GRM5: variants seen among roughly 807,000 people sequenced by gnomAD.
The protein encoded by GRM5 is glutamate metabotropic receptor 5.
A neutral mutation model predicts 83.1 loss-of-function variants in GRM5; 19 were observed. That is an observed-to-expected ratio of 0.23 (90% confidence interval 0.16 to 0.34). The LOEUF (loss-of-function observed/expected upper bound fraction) is 0.34. GRM5 is among the 10% of genes least tolerant of loss of function. The pLI, the probability that GRM5 is intolerant of heterozygous loss-of-function variation, is 1.00. For synonymous variants in GRM5, 675 were observed against 633.6 expected (o/e 1.07, Z -0.98); for missense variants, 1,160 against 1,588.3 (o/e 0.73, Z 4.58).
chr11:88,587,441 T>C (rs962311596), intron 7 of GRM5, among the ~76,000 whole-genome samples: 3 of 152,140 alleles, frequency 2.0e-5, no homozygotes, highest in Admixed American at 6.6e-5. Flanking sequence ...GCAGTGGTGA[T>C]TGAAACTAGA....
chr11:88,578,325 G>A (rs1264015118), intron 7 of GRM5, among the ~76,000 whole-genome samples: 1 of 152,150 alleles, frequency 6.6e-6, no homozygotes, highest in Non-Finnish European at 1.5e-5. Flanking sequence ...TAATGCAATA[G>A]TTAGCACTGT....
At chr11:89,025,031 G>A (rs572915287) in intron 2 of GRM5, among the ~76,000 whole-genome samples, 4 of 152,190 alleles carry the variant, frequency 2.6e-5, no homozygotes, top group Non-Finnish European at 5.9e-5. Flanking sequence ...AGCAGGAGAA[G>A]CTGAAAATTA....
intron 2 of GRM5, among the ~76,000 whole-genome samples, chr11:89,013,750 A>C (rs1940773177): frequency 6.6e-6 from 1 of 152,208 alleles, no homozygotes. Context: ...TGGTTTTTAC[A>C]ACCCAAATCC....
intron 3 of GRM5, among the ~76,000 whole-genome samples, chr11:88,754,983 C>T (rs1013195146): frequency 1.4e-5 from 2 of 142,758 alleles, no homozygotes; most frequent in African/African-American, 2.4e-5. Context: ...AGGCCTTGCT[C>T]TCCTCATATG....
Position 88,712,002 on chromosome 11 carries a change from C to T in GRM5, c.912-58599G>A, listed in dbSNP as rs536321862. ...CATTTTGCATCTCAGGAACCCATTA[C>T]GCACAAGAGTTTTTTCTCAGACAGT... On this transcript the variant is annotated intron_variant, in intron 3 of 9. Transcript: ENST00000305447. Among the ~76,000 whole-genome samples the T allele has an allele frequency of 1.8e-4, 28 of 152,138 alleles. 1 individual carries two copies. Among genetic ancestry groups the T allele is most frequent in the African/African-American group, 3.9e-4 (16 of 41,540 alleles).
At chr11:88,730,726 G>A (rs1431761885) in intron 3 of GRM5, among the ~76,000 whole-genome samples, 41 of 152,144 alleles carry the variant, frequency 2.7e-4, no homozygotes, top group Non-Finnish European at 4.4e-5. Flanking sequence ...CAGAGACATG[G>A]ATGAAGCTGG....
chr11:88,595,993 A>G (rs1937792592), intron 6 of GRM5, among the ~76,000 whole-genome samples: 1 of 147,090 alleles, frequency 6.8e-6, no homozygotes, highest in Non-Finnish European at 1.5e-5. Context: ...CTGTATTCTT[A>G]GCTTTATTTT....
chr11:88,886,195 G>A (rs1381302554), intron 2 of GRM5, among the ~76,000 whole-genome samples: 2 of 151,986 alleles, frequency 1.3e-5, no homozygotes, highest in African/African-American at 2.4e-5. Context: ...TCTTCTCTTC[G>A]GCCTATTAAA....
At chr11:88,673,160 T>C (rs1591430922) in intron 3 of GRM5, among the ~76,000 whole-genome samples, 1 of 151,936 alleles carries the variant, frequency 6.6e-6, no homozygotes, top group East Asian at 1.9e-4. Flanking sequence ...ACGTTTTCCA[T>C]TTTCAAGTAC....
intron 4 of GRM5, among the ~76,000 whole-genome samples, chr11:88,645,471 A>C (rs956701708): frequency 9.9e-5 from 15 of 152,134 alleles, no homozygotes; most frequent in Admixed American, 9.8e-4. Flanking sequence ...ATGAAAGATC[A>C]CAATTCATGA....
At chr11:88,748,432 G>C (rs938985203) in intron 3 of GRM5, among the ~76,000 whole-genome samples, 12 of 152,114 alleles carry the variant, frequency 7.9e-5, no homozygotes, top group African/African-American at 2.9e-4. Flanking sequence ...AGTGGGTTGA[G>C]GTCTTCCTGA....
intron 3 of GRM5, among the ~76,000 whole-genome samples, chr11:88,793,954 T>G (rs555725165): frequency 7.2e-5 from 11 of 152,190 alleles, no homozygotes; most frequent in African/African-American, 2.4e-4. Context: ...GCCTCCTGAG[T>G]AGCTGGGACT....
chr11:88,845,423 C>CTTTTTTTTTTTTTTTTTTTTTTTTTTTT (rs71046265), intron 3 of GRM5, among the ~76,000 whole-genome samples: 2 of 92,444 alleles, frequency 2.2e-5, no homozygotes, highest in African/African-American at 9.0e-5. Flanking sequence ...ATAAACATAA[C>CTTTTTTTTTTTTTTTTTTTTTTTTTTTT]TTTTTTTTTT....
intron 3 of GRM5, among the ~76,000 whole-genome samples, chr11:88,766,867 C>A (rs1942633399): frequency 6.6e-6 from 1 of 151,972 alleles, no homozygotes; most frequent in Admixed American, 6.6e-5. Flanking sequence ...AAAAACCAAA[C>A]AACCCCATTA....
At chr11:88,625,014 A>G (rs1938753049) in intron 4 of GRM5, among the ~76,000 whole-genome samples, 1 of 152,172 alleles carries the variant, frequency 6.6e-6, no homozygotes, top group Non-Finnish European at 1.5e-5. Flanking sequence ...AGTCTTACCA[A>G]ACAATGACTG....
intron 6 of GRM5, among the ~76,000 whole-genome samples, chr11:88,596,979 C>T (rs1329948763): frequency 2.0e-5 from 3 of 152,060 alleles, no homozygotes; most frequent in Non-Finnish European, 4.4e-5. Context: ...GCAAACATGA[C>T]TCATCAACTG....
intron 3 of GRM5, among the ~76,000 whole-genome samples, chr11:88,796,646 G>A (rs761302539): frequency 1.8e-4 from 27 of 151,964 alleles, no homozygotes; most frequent in Non-Finnish European, 3.5e-4. Flanking sequence ...ATTAAGCATG[G>A]GAAGTCATAT....
intron 2 of GRM5, among the ~76,000 whole-genome samples, chr11:88,916,814 G>A (rs1171750244): frequency 7.2e-5 from 11 of 152,058 alleles, no homozygotes; most frequent in Admixed American, 2.6e-4. Context: ...CAGCTCAGCC[G>A]TAGTACAATA....
intron 2 of GRM5, among the ~76,000 whole-genome samples, chr11:89,011,925 G>A (rs1940713275): frequency 6.6e-6 from 1 of 152,134 alleles, no homozygotes. Context: ...TTCACAGAAT[G>A]ATTAAGGGAA....
Sources: allele counts gnomAD v4.1 joint callset (sites outside exome capture counted in the v4.1 genomes callset), GRCh38; gene constraint gnomAD v4.1.1; transcripts MANE v1.5; gene names NCBI Gene and HGNC (gene_info 2026-07-23, HGNC 2026-07-21).